ENTHD1: variants seen among roughly 807,000 people sequenced by gnomAD.
ENTHD1 encodes ENTH domain containing 1, also known as ENTH domain-containing protein 1.
A neutral mutation model predicts 39.1 loss-of-function variants in ENTHD1; 23 were observed. The observed-to-expected ratio is 0.59, with a 90% confidence interval of 0.42 to 0.83. The LOEUF (loss-of-function observed/expected upper bound fraction) is 0.83, where lower values mean the gene tolerates loss of function less well. Among genes scored for constraint, ENTHD1 ranks in the 40% least tolerant of loss-of-function variants. The pLI is 0.00. For synonymous variants in ENTHD1, 230 were observed against 258.2 expected, an observed-to-expected ratio of 0.89 and a Z score of 1.05; for missense variants, 624 against 705.4, an observed-to-expected ratio of 0.88 and a Z score of 1.31.
At chr22:39,832,758 G>A (rs777199823) in intron 4 of ENTHD1, among the ~76,000 whole-genome samples, 6 of 152,140 alleles carry the variant, frequency 3.9e-5, no homozygotes, top group South Asian at 2.1e-4. Context: ...AAAGGCCCCC[G>A]GGGAGACACA....
chr22:39,847,996 C>T (rs1258869559), intron 3 of ENTHD1, among the ~76,000 whole-genome samples: 1 of 152,108 alleles, frequency 6.6e-6, no homozygotes, highest in African/African-American at 2.4e-5. Context: ...TCTGGAAACC[C>T]TAGGGAAGAA....
intron 3 of ENTHD1, among the ~76,000 whole-genome samples, chr22:39,840,886 G>A (rs910545472): frequency 9.9e-5 from 15 of 152,024 alleles, no homozygotes; most frequent in Non-Finnish European, 4.4e-5. Context: ...CCGAGTAGCT[G>A]GGACTACAGG....
intron 6 of ENTHD1, among the ~76,000 whole-genome samples, chr22:39,751,476 C>T (rs2146534819): frequency 6.6e-6 from 1 of 152,334 alleles, no homozygotes; most frequent in South Asian, 2.1e-4. Flanking sequence ...GAAGATCCAG[C>T]AATCAACTGG....
In ENTHD1 at chr22:39,887,893, G is replaced by T; in HGVS notation, c.-145C>A. On this transcript the variant is annotated 5_prime_UTR_variant, in exon 2 of 7. Coordinates refer to ENST00000325157, the MANE Select transcript of ENTHD1 (RefSeq NM_152512.4). ...AATAATTAATCTCTATGTTGATAAA[G>T]TATCAATTTCCTGCAAGGAAAGCAC... 2 of 569,360 alleles carry T rather than the reference G, an allele frequency of 3.5e-6. No individual in the cohort carries two copies. The highest frequency in any genetic ancestry group is 3.6e-5 in the South Asian group (1 of 27,762). The allele number at this position is 569,360 out of a possible 1,614,324, so 35.3% of individuals were successfully genotyped here.
At chr22:39,748,380 C>T (rs1434255948) in intron 6 of ENTHD1, among the ~76,000 whole-genome samples, 1 of 151,520 alleles carries the variant, frequency 6.6e-6, no homozygotes, top group African/African-American at 2.4e-5. Context: ...TTAAGTAGGC[C>T]AAGACGGAAA....
intron 5 of ENTHD1, among the ~76,000 whole-genome samples, chr22:39,799,211 A>G (rs2065577988): frequency 6.6e-6 from 1 of 152,136 alleles, no homozygotes; most frequent in South Asian, 2.1e-4. Context: ...TATGTGCACA[A>G]GTATACCTCG....
At chr22:39,840,421 AC>A (rs1317715518) in intron 3 of ENTHD1, among the ~76,000 whole-genome samples, 1 of 152,188 alleles carries the variant, frequency 6.6e-6, no homozygotes, top group African/African-American at 2.4e-5. Flanking sequence ...TATCAAACTG[AC>A]GTTCAAATTA....
chr22:39,791,438 A>T (rs572268955), intron 5 of ENTHD1, among the ~76,000 whole-genome samples: 2 of 152,056 alleles, frequency 1.3e-5, no homozygotes, highest in South Asian at 2.1e-4. Flanking sequence ...TCTGTCACCT[A>T]GACTGGAGTG....
chr22:39,840,593 AACAG>A (rs138326691), intron 3 of ENTHD1, among the ~76,000 whole-genome samples: 6,309 of 152,290 alleles, frequency 0.041, 170 homozygotes, highest in Middle Eastern at 0.075. Flanking sequence ...AATTTTTAGT[AACAG>A]ACAGATATAT....
At chr22:39,775,224 CT>C (rs1176608512) in intron 5 of ENTHD1, among the ~76,000 whole-genome samples, 2 of 152,128 alleles carry the variant, frequency 1.3e-5, no homozygotes, top group Non-Finnish European at 2.9e-5. Flanking sequence ...TTATTTATAA[CT>C]TCTTATATGT....
intron 3 of ENTHD1, among the ~76,000 whole-genome samples, chr22:39,837,574 TC>T (rs759692342): frequency 7.9e-5 from 12 of 152,210 alleles, no homozygotes; most frequent in Non-Finnish European, 1.3e-4. Context: ...TCCAGACATT[TC>T]TTTTAATGGG....
intron 3 of ENTHD1, among the ~76,000 whole-genome samples, chr22:39,840,926 G>A (rs903075542): frequency 4.6e-5 from 7 of 152,126 alleles, no homozygotes; most frequent in African/African-American, 1.7e-4. Flanking sequence ...CTAATTTTTT[G>A]TATTTTTAGT....
intron 3 of ENTHD1, among the ~76,000 whole-genome samples, chr22:39,846,180 A>G (rs147039202): frequency 8.5e-5 from 13 of 152,336 alleles, no homozygotes; most frequent in African/African-American, 1.9e-4. Flanking sequence ...CTGAATCTGT[A>G]AAACTACTAG....
chr22:39,836,664 C>T (rs2065909607), intron 3 of ENTHD1, among the ~76,000 whole-genome samples: 1 of 152,064 alleles, frequency 6.6e-6, no homozygotes, highest in African/African-American at 2.4e-5. Context: ...GGATTTGTGT[C>T]CCCACCCAAG....
chr22:39,834,091 T>G (rs1211412788), intron 4 of ENTHD1, among the ~76,000 whole-genome samples: 1 of 152,160 alleles, frequency 6.6e-6, no homozygotes, highest in Non-Finnish European at 1.5e-5. Flanking sequence ...GGCAAAGAGT[T>G]CTTAGATATG....
intron 3 of ENTHD1, among the ~76,000 whole-genome samples, chr22:39,853,610 G>A (rs1273218038): frequency 6.6e-6 from 1 of 152,128 alleles, no homozygotes; most frequent in Non-Finnish European, 1.5e-5. Context: ...GTCTTGCTGT[G>A]TCACCCAGTC....
Position 39,861,928 on chromosome 22 carries a change from C to T in ENTHD1, c.429G>A (p.Val143=), listed in dbSNP as rs1473592781. The T allele has an allele frequency of 6.3e-7, 1 of 1,598,022 alleles. No individual in the cohort carries two copies. The highest frequency in any genetic ancestry group is 1.3e-5 in the African/African-American group (1 of 74,918). ...AGGTACGCTGTCTAGTCCGACATGC[C>T]ACTTCCCTCTCTTTACACAGCAATG... The part of the protein sequence containing the change: ...DEPLLCKERE[V]ACRTRQRTSH... The change falls in exon 3 of 7, where the codon GTG becomes GTA. Residue 143 remains valine (V), a synonymous_variant. Transcript: ENST00000325157.
intron 5 of ENTHD1, among the ~76,000 whole-genome samples, chr22:39,812,037 A>G (rs915168525): frequency 6.6e-6 from 1 of 151,582 alleles, no homozygotes; most frequent in African/African-American, 2.4e-5. Context: ...GACATAGATG[A>G]AACCAGTCCT....
intron 6 of ENTHD1, among the ~76,000 whole-genome samples, chr22:39,748,293 T>G (rs1379481176): frequency 6.6e-6 from 1 of 151,960 alleles, no homozygotes; most frequent in Non-Finnish European, 1.5e-5. Context: ...ACATATCTGT[T>G]AAAGTACTAA....
Sources: allele counts gnomAD v4.1 joint callset (sites outside exome capture counted in the v4.1 genomes callset), GRCh38; gene constraint gnomAD v4.1.1; transcripts MANE v1.5; gene names NCBI Gene and HGNC (gene_info 2026-07-23, HGNC 2026-07-21).